CNTNAP4: variants seen among roughly 807,000 people sequenced by gnomAD.
CNTNAP4 encodes contactin-associated protein-like 4.
Under a neutral mutation model 148.4 loss-of-function variants are expected in CNTNAP4, and 98 were observed. The ratio of observed to expected loss-of-function variants is 0.66; its 90% CI spans 0.56 to 0.78. The LOEUF (loss-of-function observed/expected upper bound fraction) is 0.78. Ranked by LOEUF, CNTNAP4 falls within the 30% of genes least tolerant of loss-of-function variation. CNTNAP4 has a pLI of 0.00. For missense variants in CNTNAP4, 1,935 were observed against 1,565.6 expected, an observed-to-expected ratio of 1.24 and a Z score of -3.98; for synonymous variants, 730 against 565.1, an observed-to-expected ratio of 1.29 and a Z score of -4.14.
intron 1 of CNTNAP4, among the ~76,000 whole-genome samples, chr16:76,290,916 G>T (rs1959088199): frequency 6.6e-6 from 1 of 152,140 alleles, no homozygotes; most frequent in Non-Finnish European, 1.5e-5. Flanking sequence ...ACTTGCAGAT[G>T]ACCACCTCCT....
intron 21 of CNTNAP4, among the ~76,000 whole-genome samples, chr16:76,541,120 G>A (rs1352700687): frequency 6.6e-6 from 1 of 152,048 alleles, no homozygotes; most frequent in Non-Finnish European, 1.5e-5. Context: ...TATTAATTAG[G>A]TGCCAAATAT....
At chr16:76,540,986 A>G (rs1416579746) in intron 21 of CNTNAP4, among the ~76,000 whole-genome samples, 196 bp downstream of exon 21, 6 of 152,178 alleles carry the variant, frequency 3.9e-5, no homozygotes, top group Non-Finnish European at 7.3e-5. Flanking sequence ...ATGAGCAAGC[A>G]TCTTCCTTTG....
intron 15 of CNTNAP4, among the ~76,000 whole-genome samples, chr16:76,511,283 C>T (rs1333038149): frequency 6.6e-6 from 1 of 152,120 alleles, no homozygotes. Flanking sequence ...GTAAGTTTCT[C>T]GTTCCAAAAA....
intron 4 of CNTNAP4, among the ~76,000 whole-genome samples, chr16:76,447,789 A>G (rs1036691998): frequency 3.3e-5 from 5 of 152,214 alleles, no homozygotes; most frequent in Admixed American, 2.6e-4. Flanking sequence ...AGGCTAAACT[A>G]TGAGGTTTGG....
intron 1 of CNTNAP4, among the ~76,000 whole-genome samples, chr16:76,311,647 T>G (rs1354231427): frequency 6.6e-6 from 1 of 152,134 alleles, no homozygotes; most frequent in African/African-American, 2.4e-5. Flanking sequence ...TGTAATACAA[T>G]GTTGGATAAG....
chr16:76,558,439 A>C (rs991994138), intron 23 of CNTNAP4, 51 bp from the exon 24 acceptor site: 58 of 1,055,808 alleles, frequency 5.5e-5, no homozygotes, highest in Non-Finnish European at 7.4e-5. Flanking sequence ...AAGTCAGCAC[A>C]GTTTCTATTT....
intron 15 of CNTNAP4, among the ~76,000 whole-genome samples, chr16:76,513,345 G>T (rs2083103255): frequency 6.6e-6 from 1 of 152,114 alleles, no homozygotes; most frequent in Admixed American, 6.6e-5. Flanking sequence ...TCCTCTAAGA[G>T]CATGGGACAG....
chr16:76,302,961 T>C (rs1960135710), intron 1 of CNTNAP4, among the ~76,000 whole-genome samples: 1 of 152,124 alleles, frequency 6.6e-6, no homozygotes, highest in African/African-American at 2.4e-5. Flanking sequence ...TGTAGTCTTG[T>C]TGGAAAGAGT....
intron 21 of CNTNAP4, among the ~76,000 whole-genome samples, chr16:76,541,107 A>G (rs995353051): frequency 2.3e-4 from 35 of 152,362 alleles, no homozygotes; most frequent in African/African-American, 8.2e-4. Flanking sequence ...ATAACAAAGT[A>G]TGTATTAATT....
intron 14 of CNTNAP4, 58 bp from the exon 15 acceptor site, chr16:76,498,509 A>C (rs374493626): frequency 1.7e-5 from 25 of 1,492,728 alleles, no homozygotes; most frequent in East Asian, 1.2e-4. Context: ...TTGGTTTTGC[A>C]ATGCAATAAG....
At chr16:76,419,261 C>T (rs1036230865) in intron 3 of CNTNAP4, among the ~76,000 whole-genome samples, 1 of 151,784 alleles carries the variant, frequency 6.6e-6, no homozygotes, top group Non-Finnish European at 1.5e-5. Context: ...AGGAAAGGTA[C>T]GGAGGCTGGA....
chr16:76,476,626 A>G (rs935960328), intron 11 of CNTNAP4, among the ~76,000 whole-genome samples: 4 of 152,192 alleles, frequency 2.6e-5, no homozygotes, highest in African/African-American at 9.6e-5. Flanking sequence ...CCAGCAGATT[A>G]GGTGAGGGTG....
chr16:76,514,812 A>C (rs1300075468), intron 15 of CNTNAP4, among the ~76,000 whole-genome samples: 1 of 152,210 alleles, frequency 6.6e-6, no homozygotes, highest in Non-Finnish European at 1.5e-5. Context: ...GTGTTCTGAT[A>C]ATATAACATA....
At chr16:76,348,603 G>A (rs1371281788) in intron 2 of CNTNAP4, among the ~76,000 whole-genome samples, 1 of 152,148 alleles carries the variant, frequency 6.6e-6, no homozygotes, top group Non-Finnish European at 1.5e-5. Flanking sequence ...GAAGCTAAGT[G>A]AGCAAAGTCT....
chr16:76,367,972 T>G (rs12934879), intron 3 of CNTNAP4, among the ~76,000 whole-genome samples: 43,134 of 152,090 alleles, frequency 0.28, 6,926 homozygotes, highest in Non-Finnish European at 0.37. Flanking sequence ...CTAATTCTGG[T>G]ACCTAGGGAG....
chr16:76,313,451 G>A (rs1961366741), intron 1 of CNTNAP4, among the ~76,000 whole-genome samples: 1 of 152,100 alleles, frequency 6.6e-6, no homozygotes, highest in South Asian at 2.1e-4. Context: ...ACAGTTTCCA[G>A]AGCATACTAA....
At chr16:76,424,930 A>AT (rs1408301097) in intron 3 of CNTNAP4, among the ~76,000 whole-genome samples, 3 of 152,100 alleles carry the variant, frequency 2.0e-5, no homozygotes, top group African/African-American at 4.8e-5. Context: ...GAAATAATCG[A>AT]TTTTTTAGGT....
chr16:76,498,372 A>T (rs1373536348), intron 14 of CNTNAP4, among the ~76,000 whole-genome samples, 195 bp from the exon 15 acceptor site: 1 of 146,082 alleles, frequency 6.8e-6, no homozygotes, highest in Non-Finnish European at 1.5e-5. Flanking sequence ...AGCCTGGGAG[A>T]CAGAGTGAGA....
chr16:76,470,497 A>ATATATATATATATATATATATATATATAT (rs398119511), intron 10 of CNTNAP4, among the ~76,000 whole-genome samples: 23 of 137,450 alleles, frequency 1.7e-4, no homozygotes, highest in African/African-American at 3.9e-4. Context: ...ATATATATAT[A>ATATATATATATATATATATATATATATAT]AAATTAGTCG....
Sources: gnomAD v4.1 joint callset for allele counts (sites outside exome capture counted in the v4.1 genomes callset) on GRCh38, gnomAD v4.1.1 for gene constraint, MANE v1.5 for transcripts, NCBI Gene and HGNC (gene_info 2026-07-23, HGNC 2026-07-21) for gene names.